SNTG2: variants seen among roughly 807,000 people sequenced by gnomAD.
The protein encoded by SNTG2 is syntrophin gamma 2.
In SNTG2, 74 loss-of-function variants were observed where a neutral mutation model predicts 70.9. The ratio of observed to expected loss-of-function variants is 1.04; its 90% CI spans 0.86 to 1.27. SNTG2 has a LOEUF of 1.27. SNTG2 is among the 50% of genes most tolerant of loss of function. The pLI is 0.00. For synonymous variants in SNTG2, 278 were observed against 273.8 expected, an observed-to-expected ratio of 1.02 and a Z score of -0.15; for missense variants, 717 against 690.7, an observed-to-expected ratio of 1.04 and a Z score of -0.43.
intron 4 of SNTG2, among the ~76,000 whole-genome samples, chr2:1,136,548 G>A (rs779045585): frequency 3.3e-5 from 5 of 152,144 alleles, no homozygotes; most frequent in Non-Finnish European, 5.9e-5. Flanking sequence ...GTTTCAACAT[G>A]ATTTAATATT....
intron 11 of SNTG2, 135 bp downstream of exon 11, chr2:1,239,911 A>T (rs1676939047): frequency 2.7e-6 from 3 of 1,117,272 alleles, no homozygotes; most frequent in African/African-American, 1.5e-5. Flanking sequence ...ATAGGAAAAC[A>T]TTAGCACATT....
At chr2:1,138,244 G>A (rs989110152) in intron 6 of SNTG2, among the ~76,000 whole-genome samples, 3 of 152,216 alleles carry the variant, frequency 2.0e-5, no homozygotes, top group Non-Finnish European at 4.4e-5. Context: ...AGCAGCACAC[G>A]TGCATAGAAT....
intron 1 of SNTG2, among the ~76,000 whole-genome samples, chr2:981,917 C>G (rs1490154412): frequency 6.6e-6 from 1 of 152,222 alleles, no homozygotes; most frequent in African/African-American, 2.4e-5. Context: ...ATGCCCCACA[C>G]AGATGCACAC....
chr2:1,259,968 G>A (rs1319645623), intron 13 of SNTG2, among the ~76,000 whole-genome samples: 1 of 152,212 alleles, frequency 6.6e-6, no homozygotes, highest in Non-Finnish European at 1.5e-5. Flanking sequence ...TGACTGCAGA[G>A]GTGTCTCCAC....
At chr2:1,268,554 T>C (rs148874204) in intron 14 of SNTG2, among the ~76,000 whole-genome samples, 14,114 of 152,232 alleles carry the variant, frequency 0.093, 718 homozygotes, top group South Asian at 0.15. Flanking sequence ...GCTGTGATTT[T>C]CCCCTCAAAT....
chr2:1,028,013 C>T (rs952023773), intron 1 of SNTG2, among the ~76,000 whole-genome samples: 2 of 148,354 alleles, frequency 1.3e-5, no homozygotes, highest in Admixed American at 6.7e-5. Context: ...ACAGACACTA[C>T]CCAGCAAGTA....
chr2:1,136,059 A>G (rs1227124228), intron 4 of SNTG2, among the ~76,000 whole-genome samples: 1 of 152,122 alleles, frequency 6.6e-6, no homozygotes, highest in Admixed American at 6.6e-5. Flanking sequence ...GCACTTTTAT[A>G]GCATCCATAT....
intron 14 of SNTG2, among the ~76,000 whole-genome samples, chr2:1,292,240 A>AT (rs146085405): frequency 0.1 from 15,388 of 151,694 alleles, 864 homozygotes; most frequent in South Asian, 0.19. Context: ...ATTCTAACAG[A>AT]TTTTTTTTTG....
chr2:1,208,519 G>A (rs978324742), intron 8 of SNTG2, among the ~76,000 whole-genome samples: 1 of 152,150 alleles, frequency 6.6e-6, no homozygotes. Flanking sequence ...GGACTCTTGC[G>A]GGGCTGCTGC....
chr2:1,210,895 G>A (rs1673996436), intron 9 of SNTG2, among the ~76,000 whole-genome samples: 1 of 152,174 alleles, frequency 6.6e-6, no homozygotes, highest in Non-Finnish European at 1.5e-5. Context: ...TGTAGCCTAG[G>A]TGTGTTGTAG....
intron 6 of SNTG2, among the ~76,000 whole-genome samples, chr2:1,155,224 A>G (rs539945444): frequency 6.6e-6 from 1 of 150,432 alleles, no homozygotes; most frequent in East Asian, 2.0e-4. Context: ...ACACATAAAC[A>G]CCATGCAAAT....
chr2:1,309,620 G>A (rs1015590649), intron 15 of SNTG2, among the ~76,000 whole-genome samples: 1 of 152,246 alleles, frequency 6.6e-6, no homozygotes, highest in African/African-American at 2.4e-5. Flanking sequence ...AGGGCCTACT[G>A]GGCAATAGTG....
chr2:1,239,786 G>A lies in SNTG2; in HGVS notation c.888+10G>A. 6.2e-7 allele frequency: 1 copy of A among 1,612,870 alleles called. No individual in the cohort carries two copies. On this transcript the variant is annotated intron_variant, in intron 11 of 16. Transcript: ENST00000308624. ...CTCTCCTTCCGACCAGGTAGGGTTT[G>A]TATTTTCTGCTTCATGATGTAACAC...
chr2:1,326,381 A>C (rs535166355), intron 16 of SNTG2, among the ~76,000 whole-genome samples: 25 of 152,292 alleles, frequency 1.6e-4, no homozygotes, highest in Middle Eastern at 3.4e-3. Context: ...TTGAAATTTT[A>C]TTTTGGAAAG....
At chr2:1,314,999 G>C (rs1204443231) in intron 15 of SNTG2, among the ~76,000 whole-genome samples, 1 of 152,202 alleles carries the variant, frequency 6.6e-6, no homozygotes, top group Non-Finnish European at 1.5e-5. Flanking sequence ...TGGGGACACA[G>C]CTAAACCATA....
At chr2:1,046,934 T>C in intron 1 of SNTG2, among the ~76,000 whole-genome samples, 1 of 152,322 alleles carries the variant, frequency 6.6e-6, no homozygotes, top group East Asian at 1.9e-4. Flanking sequence ...TTTTTGTTGT[T>C]ATTTTCCTTA....
intron 1 of SNTG2, among the ~76,000 whole-genome samples, chr2:958,057 T>C (rs1354873077): frequency 6.6e-6 from 1 of 152,124 alleles, no homozygotes; most frequent in East Asian, 1.9e-4. Context: ...TAAGAGCTCT[T>C]TGGAGGGCTT....
intron 1 of SNTG2, among the ~76,000 whole-genome samples, chr2:1,063,641 A>G (rs1327345604): frequency 6.6e-6 from 1 of 152,244 alleles, no homozygotes; most frequent in Non-Finnish European, 1.5e-5. Context: ...AAGGTTATTA[A>G]TGAAAAACAT....
chr2:1,171,266 G>A (rs528622681), intron 7 of SNTG2, among the ~76,000 whole-genome samples: 3 of 152,164 alleles, frequency 2.0e-5, no homozygotes, highest in Non-Finnish European at 2.9e-5. Context: ...GAAATTTAGA[G>A]TGGAAGCGTG....
Sources: allele counts gnomAD v4.1 joint callset (sites outside exome capture counted in the v4.1 genomes callset), GRCh38; gene constraint gnomAD v4.1.1; transcripts MANE v1.5; gene names NCBI Gene and HGNC (gene_info 2026-07-23, HGNC 2026-07-21).